The following DCD variants were observed in gnomAD, a reference collection of about 807,000 sequenced individuals.
DCD encodes dermcidin, also known as diffusible survival/evasion peptide.
DCD carries 17 observed loss-of-function variants against 14.5 expected under a neutral mutation model. The observed-to-expected ratio is 1.18, with a 90% confidence interval of 0.81 to 1.76. The LOEUF (loss-of-function observed/expected upper bound fraction) is 1.76. Ranked by LOEUF, DCD falls within the 40% of genes most tolerant of loss-of-function variation. The probability of loss-of-function intolerance (pLI) is 0.00; values close to 1 mark genes in which losing one functional copy is unlikely to be tolerated. For synonymous variants in DCD, 64 were observed against 54.0 expected (o/e 1.19, Z -0.82); for missense variants, 139 against 133.4 (o/e 1.04, Z -0.21).
intron 1 of DCD, 151 bp from the exon 2 acceptor site, chr12:54,647,310 T>A (rs1239958911): frequency 1.4e-6 from 1 of 701,334 alleles, no homozygotes; most frequent in Non-Finnish European, 2.3e-6. Flanking sequence ...AGGGGCCCAC[T>A]AGAAATGCTT....
At chr12:54,644,919 A>G in intron 4 of DCD, 163 bp from the exon 5 acceptor site, 1 of 1,549,914 alleles carries the variant, frequency 6.5e-7, no homozygotes, top group South Asian at 1.2e-5. Context: ...GATTCACAGG[A>G]GCCCCAAAGA....
chr12:54,645,881 CT>C, intron 2 of DCD, 174 bp from the exon 3 acceptor site: 2 of 600,036 alleles, frequency 3.3e-6, no homozygotes, highest in Non-Finnish European at 3.0e-6. Context: ...ATCCCTCAAG[CT>C]TTTTCCTGCT....
intron 2 of DCD, among the ~76,000 whole-genome samples, chr12:54,646,637 G>A (rs1024139234): frequency 2.0e-5 from 3 of 152,170 alleles, no homozygotes; most frequent in African/African-American, 7.2e-5. Flanking sequence ...TGAAACAAAT[G>A]TATAACGTTT....
At chr12:54,646,989 G>C (rs1397580662) in intron 2 of DCD, 132 bp downstream of exon 2, 1 of 806,040 alleles carries the variant, frequency 1.2e-6, no homozygotes, top group African/African-American at 1.7e-5. Flanking sequence ...CCTTCTCCAT[G>C]TCTCCTAAAA....
At chr12:54,647,249 A>G in intron 1 of DCD, 90 bp from the exon 2 acceptor site, 3 of 1,292,678 alleles carry the variant, frequency 2.3e-6, no homozygotes, top group Non-Finnish European at 3.2e-6. Context: ...CCAGGCCTCT[A>G]ATCTCAGGAG....
chr12:54,646,498 C>G (rs1428351706), intron 2 of DCD, among the ~76,000 whole-genome samples: 4 of 151,892 alleles, frequency 2.6e-5, no homozygotes, highest in Non-Finnish European at 5.9e-5. Context: ...AGGCACCATA[C>G]ACACCAGGCA....
chr12:54,644,828 T>G, intron 4 of DCD, 72 bp from the exon 5 acceptor site: 1 of 1,555,536 alleles, frequency 6.4e-7, no homozygotes, highest in Non-Finnish European at 8.7e-7. Flanking sequence ...AGCCAGGGAA[T>G]TGGGGAAGGA....
chr12:54,646,682 A>G (rs1958263808), intron 2 of DCD, among the ~76,000 whole-genome samples: 1 of 152,158 alleles, frequency 6.6e-6, no homozygotes, highest in Non-Finnish European at 1.5e-5. Flanking sequence ...GTCTAGGGAA[A>G]TTATATTTGA....
chr12:54,648,120 G>T, intron 1 of DCD, 126 bp downstream of exon 1: 2 of 1,015,738 alleles, frequency 2.0e-6, no homozygotes, highest in Non-Finnish European at 3.0e-6. Context: ...CTAGTGGGAG[G>T]CAGGAGTGGG....
intron 3 of DCD, 116 bp downstream of exon 3, chr12:54,645,490 G>T: frequency 9.9e-7 from 1 of 1,005,672 alleles, no homozygotes; most frequent in Non-Finnish European, 1.5e-6. Context: ...GCCCTCCCTA[G>T]GAATATGGGT....
rs1048202162 is a variant in DCD, at chr12:54,645,813, C to T, written c.98-106G>A. 7 of 804,698 alleles carry T rather than the reference C, an allele frequency of 8.7e-6. No individual in the cohort carries two copies. In the African/African-American group the frequency reaches 1.0e-4, roughly 12 times the overall value. The allele number at this position is 804,698 out of a possible 1,614,324, so 49.8% of individuals were successfully genotyped here. ...CCCTCAAGGTCTGGCTTGAGGATAG[C>T]TCCCTCTCTCCCAATTCCTCTAGAG... On this transcript the variant is annotated intron_variant, in intron 2 of 4. Coordinates refer to ENST00000293371, the MANE Select transcript of DCD (RefSeq NM_053283.4).
At chr12:54,647,393 A>G (rs1420450414) in intron 1 of DCD, among the ~76,000 whole-genome samples, 1 of 152,200 alleles carries the variant, frequency 6.6e-6, no homozygotes, top group Non-Finnish European at 1.5e-5. Flanking sequence ...TCCCTATGGA[A>G]ATGGAATCAT....
intron 2 of DCD, among the ~76,000 whole-genome samples, chr12:54,646,876 C>A (rs1158639350): frequency 6.6e-6 from 1 of 152,124 alleles, no homozygotes; most frequent in African/African-American, 2.4e-5. Context: ...GAAAAGTATT[C>A]TTTTCTTTCC....
rs183641172 is a variant in DCD, at chr12:54,647,129, G to A, written c.89C>T (p.Ser30Leu). 1.2e-5 allele frequency: 19 copies of A among 1,560,728 alleles called. No individual in the cohort carries two copies. The highest frequency in any genetic ancestry group is 5.7e-5 in the Admixed American group (3 of 52,470). Reference protein sequence around the residue: ...YDPEAASAPGSGNPCHEASAA... With the variant: ...YDPEAASAPGLGNPCHEASAA... ...GAAGAGAAAGGACTCACGGTTCCCC[G>A]ATCCTGGGGCAGAGGCGGCCTCTGG... The change falls in exon 2 of 5, where the codon TCG (serine) becomes TTG (leucine). Residue 30 changes from serine (S) to leucine (L), a missense_variant. Coordinates refer to ENST00000293371, the MANE Select transcript of DCD (RefSeq NM_053283.4).
intron 2 of DCD, 135 bp downstream of exon 2, chr12:54,646,986 C>T: frequency 1.4e-5 from 11 of 791,870 alleles, no homozygotes; most frequent in Non-Finnish European, 2.0e-5. Context: ...CTCCCTTCTC[C>T]ATGTCTCCTA....
intron 3 of DCD, 139 bp from the exon 4 acceptor site, chr12:54,645,401 G>T: frequency 1.1e-6 from 1 of 949,798 alleles, no homozygotes; most frequent in Non-Finnish European, 1.6e-6. Context: ...TCTCTGTCAT[G>T]GGAAGGTTGG....
At chr12:54,645,284 AGAG>A in intron 3 of DCD, 22 bp from the exon 4 acceptor site, 4 of 1,608,464 alleles carry the variant, frequency 2.5e-6, no homozygotes, top group Non-Finnish European at 3.4e-6. Flanking sequence ...TCAGAAAAGA[AGAG>A]GTCATAGAAG....
At chr12:54,646,711 A>G (rs1363926767) in intron 2 of DCD, among the ~76,000 whole-genome samples, 1 of 152,164 alleles carries the variant, frequency 6.6e-6, no homozygotes, top group East Asian at 1.9e-4. Context: ...CTGGATCTAG[A>G]TCATGGATAC....
At chr12:54,644,920 G>T (rs7301225) in intron 4 of DCD, 164 bp from the exon 5 acceptor site, 178,522 of 1,548,760 alleles carry the variant, frequency 0.12, 11,206 homozygotes, top group African/African-American at 0.13. Flanking sequence ...ATTCACAGGA[G>T]CCCCAAAGAC....
Sources: gnomAD v4.1 joint callset for allele counts (sites outside exome capture counted in the v4.1 genomes callset) on GRCh38, gnomAD v4.1.1 for gene constraint, MANE v1.5 for transcripts, NCBI Gene and HGNC (gene_info 2026-07-23, HGNC 2026-07-21) for gene names.